The following MGAT5 variants were observed in gnomAD, a reference collection of about 807,000 sequenced individuals.
MGAT5 encodes alpha-1,6-mannosylglycoprotein 6-beta-N-acetylglucosaminyltransferase, also known as alpha-1,6-mannosylglycoprotein 6-beta-N-acetylglucosaminyltransferase A.
Under a neutral mutation model 94.3 loss-of-function variants are expected in MGAT5, and 30 were observed. The ratio of observed to expected loss-of-function variants is 0.32; its 90% CI spans 0.24 to 0.43. The LOEUF (loss-of-function observed/expected upper bound fraction) is 0.43, where lower values mean the gene tolerates loss of function less well. Ranked by LOEUF, MGAT5 falls within the 20% of genes least tolerant of loss-of-function variation. The pLI, the probability that MGAT5 is intolerant of heterozygous loss-of-function variation, is 1.00. For missense variants in MGAT5, 691 were observed against 905.5 expected (o/e 0.76, Z 3.04); for synonymous variants, 310 against 322.9 (o/e 0.96, Z 0.43).
intron 4 of MGAT5, among the ~76,000 whole-genome samples, chr2:134,321,094 C>T (rs978709986): frequency 2.0e-5 from 3 of 152,120 alleles, no homozygotes; most frequent in East Asian, 1.9e-4. Context: ...TTCTGGCTTC[C>T]GGCTTGGGTG....
At chr2:134,414,160 G>GT (rs71338129) in intron 12 of MGAT5, among the ~76,000 whole-genome samples, 6,905 of 110,478 alleles carry the variant, frequency 0.063, 221 homozygotes, top group East Asian at 0.29. Flanking sequence ...TGTGTGTGTG[G>GT]TTTTTTTTTT....
In MGAT5 at chr2:134,403,051, T is replaced by C. The variant is rs375264024; in HGVS notation, c.1444T>C (p.Ser482Pro). 2 of 1,612,954 alleles carry C rather than the reference T, an allele frequency of 1.2e-6. No individual in the cohort carries two copies. The highest frequency in any genetic ancestry group is 1.7e-6 in the Non-Finnish European group (2 of 1,179,802). ...GGAAGTGCATGCAACTGTTTATGGC[T>C]CCAGCACAAAGAATATTCCCAGTTA... is the stretch of plus-strand genomic sequence containing the variant. Reference protein sequence around the residue: ...YMEVHATVYGSSTKNIPSYVK... With the variant: ...YMEVHATVYGPSTKNIPSYVK... The change falls in exon 11 of 16, where the codon TCC (serine) becomes CCC (proline). Residue 482 changes from serine to proline, a missense_variant. Coordinates refer to ENST00000281923, the MANE Select transcript of MGAT5 (RefSeq NM_002410.5).
At chr2:134,235,727 G>GTT (rs111416761) in intron 1 of MGAT5, among the ~76,000 whole-genome samples, 39,827 of 149,138 alleles carry the variant, frequency 0.27, 5,655 homozygotes, top group African/African-American at 0.32. Flanking sequence ...TAATAATAGG[G>GTT]GTTTTTTTTT....
chr2:134,271,047 G>C (rs1479167936), intron 2 of MGAT5, among the ~76,000 whole-genome samples: 2 of 152,194 alleles, frequency 1.3e-5, no homozygotes, highest in African/African-American at 4.8e-5. Flanking sequence ...CCCCTGCCTA[G>C]TCGTAGGCAG....
At chr2:134,357,958 A>G (rs989589348) in intron 9 of MGAT5, among the ~76,000 whole-genome samples, 4 of 152,134 alleles carry the variant, frequency 2.6e-5, no homozygotes, top group African/African-American at 7.2e-5. Context: ...TTCTTGTGTG[A>G]CATAACTATT....
At chr2:134,332,403 G>A (rs1241868276) in intron 4 of MGAT5, among the ~76,000 whole-genome samples, 1 of 151,306 alleles carries the variant, frequency 6.6e-6, no homozygotes, top group East Asian at 1.9e-4. Context: ...AGCTGAAACT[G>A]GATCCCTTCC....
At chr2:134,310,278 G>T (rs576424685) in intron 2 of MGAT5, among the ~76,000 whole-genome samples, 2 of 152,314 alleles carry the variant, frequency 1.3e-5, no homozygotes, top group South Asian at 4.1e-4. Flanking sequence ...CAGTGTTGTG[G>T]AAATAATCTT....
At chr2:134,174,952 G>T (rs1278635544) in intron 1 of MGAT5, among the ~76,000 whole-genome samples, 3 of 152,310 alleles carry the variant, frequency 2.0e-5, no homozygotes, top group Non-Finnish European at 2.9e-5. Flanking sequence ...CTGGGAAGTG[G>T]CTCAGAATCC....
chr2:134,393,849 A>T (rs1469459731), intron 10 of MGAT5, among the ~76,000 whole-genome samples: 1 of 112,718 alleles, frequency 8.9e-6, no homozygotes, highest in African/African-American at 3.4e-5. Flanking sequence ...GTTGCACCCC[A>T]CCCCCACCCC....
In MGAT5 at chr2:134,263,981, T is replaced by A. The variant is rs115932604; in HGVS notation, c.242-6405T>A. 8.9e-3 allele frequency among the ~76,000 whole-genome samples: 1,338 copies of A among 150,700 alleles called. 33 individuals are homozygous for A. Among genetic ancestry groups the A allele is most frequent in the African/African-American group, 0.031 (1,274 of 40,822 alleles). ...ATATGTACATGAATATATGCTTTTTTAAAAATTAAGATACTGCATTTCCTT... is the reference window on the plus strand; with the variant it reads ...ATATGTACATGAATATATGCTTTTTAAAAAATTAAGATACTGCATTTCCTT... On this transcript the variant is annotated intron_variant, in intron 1 of 15. Transcript: ENST00000281923.
At chr2:134,237,329 ACCT>A (rs1366206307) in intron 1 of MGAT5, among the ~76,000 whole-genome samples, 2 of 152,168 alleles carry the variant, frequency 1.3e-5, no homozygotes, top group African/African-American at 2.4e-5. Context: ...GAGGCAAGAC[ACCT>A]CCTAGCAGAG....
chr2:134,411,691 G>A (rs1031070990), intron 11 of MGAT5, among the ~76,000 whole-genome samples: 23 of 152,148 alleles, frequency 1.5e-4, no homozygotes, highest in Non-Finnish European at 3.1e-4. Flanking sequence ...CTTTCTAAAC[G>A]ATCATTCAAT....
At chr2:134,390,514 T>C (rs572404297) in intron 10 of MGAT5, among the ~76,000 whole-genome samples, 1 of 152,228 alleles carries the variant, frequency 6.6e-6, no homozygotes, top group Non-Finnish European at 1.5e-5. Flanking sequence ...TCAGAAAATA[T>C]AGAAAGGAAT....
chr2:134,169,242 GA>G (rs1015268630), intron 1 of MGAT5, among the ~76,000 whole-genome samples: 2 of 152,106 alleles, frequency 1.3e-5, no homozygotes, highest in Non-Finnish European at 2.9e-5. Flanking sequence ...AATGTTGGTT[GA>G]AAATGGGATT....
chr2:134,352,010 C>T (rs1407326880), intron 9 of MGAT5, among the ~76,000 whole-genome samples: 1 of 152,126 alleles, frequency 6.6e-6, no homozygotes, highest in African/African-American at 2.4e-5. Context: ...TACCATGCCC[C>T]ATGTACAGAA....
intron 1 of MGAT5, among the ~76,000 whole-genome samples, chr2:134,148,156 T>C (rs1687011244): frequency 6.6e-6 from 1 of 152,260 alleles, no homozygotes; most frequent in African/African-American, 2.4e-5. Flanking sequence ...AAAAATGTTA[T>C]TTTGAGGAAA....
intron 10 of MGAT5, among the ~76,000 whole-genome samples, chr2:134,377,149 C>T (rs1681234767): frequency 6.6e-6 from 1 of 152,192 alleles, no homozygotes; most frequent in Non-Finnish European, 1.5e-5. Context: ...TAGCAAAATA[C>T]CTCACAACCA....
chr2:134,241,346 A>T (rs1026041042), intron 1 of MGAT5, among the ~76,000 whole-genome samples: 1 of 152,250 alleles, frequency 6.6e-6, no homozygotes, highest in Non-Finnish European at 1.5e-5. Flanking sequence ...AAAGGAAGCA[A>T]TGAGTTCTCT....
intron 12 of MGAT5, among the ~76,000 whole-genome samples, chr2:134,414,163 T>G (rs946247594): frequency 1.2e-4 from 14 of 121,034 alleles, no homozygotes; most frequent in Admixed American, 7.5e-4. Context: ...GTGTGTGGTT[T>G]TTTTTTTTTT....
Sources: allele counts gnomAD v4.1 joint callset (sites outside exome capture counted in the v4.1 genomes callset), GRCh38; gene constraint gnomAD v4.1.1; transcripts MANE v1.5; gene names NCBI Gene and HGNC (gene_info 2026-07-23, HGNC 2026-07-21).